The following ADGRB3 variants were observed in gnomAD, a reference collection of about 807,000 sequenced individuals.
ADGRB3 encodes the protein brain-specific angiogenesis inhibitor 3.
In ADGRB3, 37 loss-of-function variants were observed where a neutral mutation model predicts 193.4. The ratio of observed to expected loss-of-function variants is 0.19; its 90% confidence interval spans 0.15 to 0.25. ADGRB3 has a LOEUF of 0.25. Among genes scored for constraint, ADGRB3 ranks in the 10% least tolerant of loss-of-function variants. ADGRB3 has a pLI of 1.00. For missense variants in ADGRB3, 1,637 were observed against 1,852.9 expected, an observed-to-expected ratio of 0.88 and a Z score of 2.14; for synonymous variants, 690 against 644.2, an observed-to-expected ratio of 1.07 and a Z score of -1.08.
At chr6:68,819,899 A>T (rs138445738) in intron 3 of ADGRB3, among the ~76,000 whole-genome samples, 271 of 152,206 alleles carry the variant, frequency 1.8e-3, no homozygotes, top group African/African-American at 6.2e-3. Flanking sequence ...TTCCCCGAAT[A>T]TCATCAAATA....
intron 3 of ADGRB3, among the ~76,000 whole-genome samples, chr6:68,850,362 T>C (rs1320221847): frequency 6.6e-6 from 1 of 152,028 alleles, no homozygotes; most frequent in Non-Finnish European, 1.5e-5. Context: ...ACATCTTGAA[T>C]GGTGATAGAA....
At chr6:69,020,222 G>T (rs1460406634) in intron 13 of ADGRB3, among the ~76,000 whole-genome samples, 2 of 152,014 alleles carry the variant, frequency 1.3e-5, no homozygotes, top group Non-Finnish European at 2.9e-5. Flanking sequence ...AGAATGCTCA[G>T]ATCAATACAT....
intron 17 of ADGRB3, among the ~76,000 whole-genome samples, chr6:69,218,759 G>C (rs1321991270): frequency 6.6e-6 from 1 of 152,102 alleles, no homozygotes; most frequent in Non-Finnish European, 1.5e-5. Context: ...GTAGTCAGTA[G>C]ACAAAATCGG....
At chr6:69,085,354 A>C (rs1772515972) in intron 17 of ADGRB3, among the ~76,000 whole-genome samples, 1 of 152,138 alleles carries the variant, frequency 6.6e-6, no homozygotes, top group Admixed American at 6.5e-5. Flanking sequence ...ACCTTTACAC[A>C]AGAATTTTAA....
At chr6:69,319,897 A>G (rs557927155) in intron 20 of ADGRB3, among the ~76,000 whole-genome samples, 5 of 151,606 alleles carry the variant, frequency 3.3e-5, no homozygotes, top group South Asian at 2.1e-4. Context: ...ACAAGTAAAT[A>G]CAAAGTATTA....
chr6:68,722,475 T>A (rs1765600824), intron 3 of ADGRB3, among the ~76,000 whole-genome samples: 1 of 151,732 alleles, frequency 6.6e-6, no homozygotes, highest in African/African-American at 2.4e-5. Flanking sequence ...CTTTAAAGTA[T>A]AATAATAATT....
intron 3 of ADGRB3, among the ~76,000 whole-genome samples, chr6:68,811,888 C>T (rs1767519332): frequency 6.6e-6 from 1 of 152,134 alleles, no homozygotes. Context: ...CACTTATATA[C>T]ACACAATTAA....
At position 68,904,127 on chromosome 6, in the gene ADGRB3, A is replaced by G. The variant is rs62416439; in HGVS notation, c.758-26432A>G. Among the ~76,000 whole-genome samples the G allele has an allele frequency of 3.9e-3, 329 of 83,338 alleles. 1 individual carries two copies. The highest frequency in any genetic ancestry group is 9.8e-3 in the African/African-American group (285 of 29,132). The allele number at this position is 83,338 out of a possible 152,430, so 54.7% of individuals were successfully genotyped here. On this transcript the variant is annotated intron_variant, in intron 3 of 31. Transcript: ENST00000370598. Reference sequence around the variant, plus strand: ...GAAGGAAGGAAGGGAGGGAGGGAGGAAGGAAGGAAGGAAGGGTGAAAGGGA... The same window carrying G: ...GAAGGAAGGAAGGGAGGGAGGGAGGGAGGAAGGAAGGAAGGGTGAAAGGGA...
chr6:69,179,232 C>T (rs1775514697), intron 17 of ADGRB3, among the ~76,000 whole-genome samples: 1 of 152,130 alleles, frequency 6.6e-6, no homozygotes, highest in Admixed American at 6.5e-5. Flanking sequence ...GTTTGAAAGA[C>T]TGGTCTTCAA....
rs191642972 is a variant in ADGRB3 at position 68,637,027 on chromosome 6, T to C, written c.-187-364T>C. Among the ~76,000 whole-genome samples, 469 of 152,110 alleles carry C rather than the reference T, an allele frequency of 3.1e-3. 3 individuals carry two copies. Among genetic ancestry groups the C allele is most frequent in the African/African-American group, 0.011 (449 of 41,474 alleles). On this transcript the variant is annotated intron_variant, in intron 1 of 31. Transcript: ENST00000370598. ...CAACTTTCTCTGTTTTTTTTTAACC[T>C]TTAAATGCTCATTGGCTTTATTTTC...
At chr6:69,324,508 C>G (rs1393944982) in intron 20 of ADGRB3, among the ~76,000 whole-genome samples, 1 of 152,044 alleles carries the variant, frequency 6.6e-6, no homozygotes, top group African/African-American at 2.4e-5. Flanking sequence ...TGTAGCCAAA[C>G]TAATTATGCA....
At chr6:68,805,426 CT>C (rs1767383956) in intron 3 of ADGRB3, among the ~76,000 whole-genome samples, 1 of 152,126 alleles carries the variant, frequency 6.6e-6, no homozygotes, top group Admixed American at 6.6e-5. Context: ...ACATTATTTA[CT>C]TTATTGAGCT....
chr6:68,639,619 C>T (rs968857888), intron 3 of ADGRB3, among the ~76,000 whole-genome samples, 187 bp downstream of exon 3: 2 of 152,022 alleles, frequency 1.3e-5, no homozygotes, highest in East Asian at 1.9e-4. Context: ...TTAGAGAGGG[C>T]GGTGAGGACT....
At chr6:68,777,867 T>G (rs1374834361) in intron 3 of ADGRB3, among the ~76,000 whole-genome samples, 1 of 151,998 alleles carries the variant, frequency 6.6e-6, no homozygotes, top group African/African-American at 2.4e-5. Flanking sequence ...TGATGGCAAG[T>G]TTTGTTTCAG....
intron 17 of ADGRB3, among the ~76,000 whole-genome samples, chr6:69,149,039 GAT>G (rs1774587298): frequency 6.6e-6 from 1 of 152,066 alleles, no homozygotes; most frequent in Non-Finnish European, 1.5e-5. Flanking sequence ...AAATCTGTGA[GAT>G]GTTCTATAAC....
intron 4 of ADGRB3, among the ~76,000 whole-genome samples, chr6:68,933,974 A>T (rs1767418391): frequency 1.3e-5 from 2 of 151,584 alleles, no homozygotes; most frequent in Non-Finnish European, 1.5e-5. Flanking sequence ...ATAGTTTACT[A>T]TTTTAATGTC....
chr6:68,643,663 G>A (rs1045194202), intron 3 of ADGRB3, among the ~76,000 whole-genome samples: 1 of 145,262 alleles, frequency 6.9e-6, no homozygotes, highest in Non-Finnish European at 1.5e-5. Context: ...GCTGGTCGCA[G>A]TGTCTTGCAC....
At chr6:69,008,976 T>G (rs770773561) in intron 11 of ADGRB3, among the ~76,000 whole-genome samples, 4 of 151,992 alleles carry the variant, frequency 2.6e-5, no homozygotes, top group Non-Finnish European at 5.9e-5. Context: ...AGGAGGGTGT[T>G]GAATCAAAAA....
chr6:69,146,892 A>G (rs1320855433), intron 17 of ADGRB3, among the ~76,000 whole-genome samples: 2 of 88,248 alleles, frequency 2.3e-5, no homozygotes, highest in South Asian at 3.5e-4. Flanking sequence ...GGTAAATTGT[A>G]TATGTCTAGG....
Sources: gnomAD v4.1 joint callset for allele counts (sites outside exome capture counted in the v4.1 genomes callset) on GRCh38, gnomAD v4.1.1 for gene constraint, MANE v1.5 for transcripts, NCBI Gene and HGNC (gene_info 2026-07-23, HGNC 2026-07-21) for gene names.